Variants in PDLIM3 observed in about 807,000 individuals in gnomAD.
PDLIM3 encodes the protein PDZ and LIM domain protein 3.
PDLIM3 carries 36 observed loss-of-function variants against 37.3 expected under a neutral mutation model. The ratio of observed to expected loss-of-function variants is 0.97; its 90% CI spans 0.74 to 1.28. The LOEUF (loss-of-function observed/expected upper bound fraction) is 1.28. Among genes scored for constraint, PDLIM3 ranks in the 50% most tolerant of loss-of-function variants. The pLI is 0.00. For synonymous variants in PDLIM3, 174 were observed against 182.4 expected, an observed-to-expected ratio of 0.95 and a Z score of 0.37; for missense variants, 454 against 485.0, an observed-to-expected ratio of 0.94 and a Z score of 0.60.
intron 4 of PDLIM3, among the ~76,000 whole-genome samples, chr4:185,510,329 T>C (rs185560742): frequency 1.3e-5 from 2 of 152,282 alleles, no homozygotes; most frequent in East Asian, 3.9e-4. Flanking sequence ...GTGCCAGACA[T>C]AGTGCCCGTA....
intron 5 of PDLIM3, among the ~76,000 whole-genome samples, chr4:185,507,780 T>A (rs1036761993): frequency 6.6e-6 from 1 of 152,116 alleles, no homozygotes; most frequent in African/African-American, 2.4e-5. Context: ...TAAAAACCTT[T>A]ATGCACAATA....
chr4:185,506,752 G>A, intron 5 of PDLIM3, 100 bp from the exon 6 acceptor site: 1 of 1,086,866 alleles, frequency 9.2e-7, no homozygotes. Context: ...TCTATGCACA[G>A]CCACTCCTGA....
At chr4:185,511,563 G>A (rs886129283) in intron 4 of PDLIM3, among the ~76,000 whole-genome samples, 12 of 152,006 alleles carry the variant, frequency 7.9e-5, no homozygotes, top group African/African-American at 2.7e-4. Context: ...GTTTCATCAC[G>A]TTGGCCAGGC....
chr4:185,525,070 C>A lies in PDLIM3; in HGVS notation c.195G>T (p.Ala65=), dbSNP rs148570356. The change falls in exon 2 of 8, where the codon GCG becomes GCT. Residue 65 remains alanine (A), a synonymous_variant. Coordinates refer to ENST00000284767, the MANE Select transcript of PDLIM3 (RefSeq NM_014476.6). ...FGTESMTHAD[A]QDRIKAAAHQ... ...GAGCTGCTGCTTTAATCCTGTCCTG[C>A]GCATCAGCATGAGTCATGGACTCTG... 6.2e-7 allele frequency: 1 copy of A among 1,614,034 alleles called. No homozygotes were observed. Among genetic ancestry groups the A allele is most frequent in the Admixed American group, 1.7e-5 (1 of 60,018 alleles).
chr4:185,506,968 A>C, intron 5 of PDLIM3: 1 of 299,478 alleles, frequency 3.3e-6, no homozygotes, highest in South Asian at 4.2e-5. Context: ...TCTGATGGAT[A>C]CATAATGATA....
chr4:185,528,071 A>AAAACAAAAC (rs112824033), intron 1 of PDLIM3, among the ~76,000 whole-genome samples: 130 of 151,268 alleles, frequency 8.6e-4, no homozygotes, highest in African/African-American at 2.8e-3. Flanking sequence ...AAAACAAAAC[A>AAAACAAAAC]AAACAAACAA....
In PDLIM3 at chr4:185,509,931, T is replaced by TAG. The variant is rs1561193191; in HGVS notation, c.399-1370_399-1369insCT. ...AAATGGGTTTAAATTTTTTTTTTTT[T>TAG]GTCTTGTGCTATCCAGTTTAACTAC... is the stretch of plus-strand genomic sequence containing the variant. On this transcript the variant is annotated intron_variant, in intron 4 of 7. Coordinates refer to ENST00000284767, the MANE Select transcript of PDLIM3 (RefSeq NM_014476.6). Among the ~76,000 whole-genome samples, 6 of 151,516 alleles carry TAG rather than the reference T, an allele frequency of 4.0e-5. No homozygotes were observed. In the East Asian group the frequency reaches 5.8e-4, roughly 15 times the overall value.
intron 5 of PDLIM3, among the ~76,000 whole-genome samples, chr4:185,508,013 C>T (rs1396790777): frequency 1.4e-4 from 21 of 152,058 alleles, no homozygotes. Context: ...TTGGTCCTTA[C>T]CTGATTTCAT....
intron 3 of PDLIM3, among the ~76,000 whole-genome samples, chr4:185,521,393 TC>T (rs1393252282): frequency 2.2e-4 from 5 of 23,226 alleles, no homozygotes; most frequent in African/African-American, 2.7e-4. Flanking sequence ...AACTTTCTTT[TC>T]TTTTCTTTTT....
chr4:185,529,005 G>C (rs2095739230), intron 1 of PDLIM3, among the ~76,000 whole-genome samples: 1 of 152,196 alleles, frequency 6.6e-6, no homozygotes, highest in South Asian at 2.1e-4. Context: ...AATTAGAAGA[G>C]AGAGCTGAAA....
At position 185,504,475 on chromosome 4, in the gene PDLIM3, A is replaced by G. The variant is rs1364726114; in HGVS notation, c.905T>C (p.Val302Ala). ...PLCDKCGSGI[V>A]GAVVKARDKY... is the part of the protein sequence containing the mutation. Reference sequence around the variant, plus strand: ...TTCCAGGGTTAAAAGTGAAACTTACACTATGCCACTCCCACATTTGTCACA... The same window carrying G: ...TTCCAGGGTTAAAAGTGAAACTTACGCTATGCCACTCCCACATTTGTCACA... Residue 302 changes from valine (V) to alanine (A), a missense_variant and splice_region_variant, in exon 7 of 8, where the codon GTC becomes GCC. Transcript: ENST00000284767. This position sits in a 1 kb window ranked among gnomAD's most constrained non-coding sequence, Gnocchi z 4.7. 6.2e-7 allele frequency: 1 copy of G among 1,609,072 alleles called. No individual in the cohort carries two copies. Among genetic ancestry groups the G allele is most frequent in the Admixed American group, 1.7e-5 (1 of 60,026 alleles).
At position 185,525,120 on chromosome 4, in the gene PDLIM3, T is replaced by C. The variant is rs1436263682; in HGVS notation, c.145A>G (p.Ile49Val). Residue 49 changes from isoleucine to valine, a missense_variant, in exon 2 of 8, where the codon ATC becomes GTC. Transcript: ENST00000284767. ...AAANLCPGDV[I>V]LAIDGFGTES... ...GTCCCAAAGCCGTCAATAGCCAGGA[T>C]GACATCTCCAGGACACAGGTTGGCA... 1 of 1,614,168 alleles carries C rather than the reference T, an allele frequency of 6.2e-7. No homozygotes were observed. The highest frequency in any genetic ancestry group is 8.5e-7 in the Non-Finnish European group (1 of 1,179,980).
At chr4:185,508,792 G>T (rs571906407) in intron 4 of PDLIM3, among the ~76,000 whole-genome samples, 8 of 152,324 alleles carry the variant, frequency 5.3e-5, no homozygotes, top group African/African-American at 1.7e-4. Flanking sequence ...AAAAGGTACA[G>T]GTGATACTGC....
chr4:185,525,205 C>T (rs1368928612), intron 1 of PDLIM3, 34 bp from the exon 2 acceptor site: 2 of 1,610,838 alleles, frequency 1.2e-6, no homozygotes, highest in South Asian at 1.1e-5. Context: ...TAAAAACCAA[C>T]ATCCCGCAGT....
chr4:185,506,185 C>T (rs1053785613), intron 6 of PDLIM3, among the ~76,000 whole-genome samples: 1 of 152,164 alleles, frequency 6.6e-6, no homozygotes, highest in Non-Finnish European at 1.5e-5. Context: ...GATGGTGATA[C>T]TCCAGAGTGT....
intron 1 of PDLIM3, among the ~76,000 whole-genome samples, chr4:185,530,766 C>T (rs149065242): frequency 6.6e-6 from 1 of 152,144 alleles, no homozygotes; most frequent in Non-Finnish European, 1.5e-5. Flanking sequence ...TGGATCATCC[C>T]TTTGTCCAGC....
chr4:185,513,125 T>C (rs1369848312), intron 4 of PDLIM3: 1 of 983,854 alleles, frequency 1.0e-6, no homozygotes, highest in East Asian at 1.1e-4. Flanking sequence ...GGGGGTATAA[T>C]GTTGAGCCAG....
chr4:185,526,439 C>A (rs187246005), intron 1 of PDLIM3, among the ~76,000 whole-genome samples: 2 of 152,244 alleles, frequency 1.3e-5, no homozygotes, highest in African/African-American at 4.8e-5. Context: ...TTTATGCTGT[C>A]CACATGTTTT....
At chr4:185,531,016 G>GTATA (rs147625768) in intron 1 of PDLIM3, among the ~76,000 whole-genome samples, 19 of 136,002 alleles carry the variant, frequency 1.4e-4, no homozygotes, top group East Asian at 8.6e-4. Context: ...ACACACACAC[G>GTATA]TATATATATA....
Sources: allele counts gnomAD v4.1 joint callset (sites outside exome capture counted in the v4.1 genomes callset), GRCh38; gene constraint gnomAD v4.1.1; non-coding constraint Gnocchi (gnomAD v3.1); transcripts MANE v1.5; gene names NCBI Gene and HGNC (gene_info 2026-07-23, HGNC 2026-07-21).